Variants in RALYL observed in about 807,000 individuals in gnomAD.
The protein encoded by RALYL is RNA-binding Raly-like protein.
RALYL carries 29 observed loss-of-function variants against 35.1 expected under a neutral mutation model. The ratio of observed to expected loss-of-function variants is 0.83; its 90% CI spans 0.61 to 1.13. RALYL has a LOEUF of 1.13. Among genes scored for constraint, RALYL ranks in the 50% most tolerant of loss-of-function variants. The pLI is 0.00. For missense variants in RALYL, 359 were observed against 360.4 expected, an observed-to-expected ratio of 1.00 and a Z score of 0.03; for synonymous variants, 120 against 127.6, an observed-to-expected ratio of 0.94 and a Z score of 0.40.
intron 8 of RALYL, among the ~76,000 whole-genome samples, chr8:84,896,679 G>T (rs1452262577): frequency 6.6e-6 from 1 of 152,154 alleles, no homozygotes; most frequent in Non-Finnish European, 1.5e-5. Flanking sequence ...CTTGGCATTT[G>T]CTGCACCCCT....
intron 4 of RALYL, among the ~76,000 whole-genome samples, chr8:84,835,247 G>A (rs1831711684): frequency 6.6e-6 from 1 of 152,144 alleles, no homozygotes; most frequent in African/African-American, 2.4e-5. Context: ...GCAGAGAGCT[G>A]ACAAGCATGA....
At chr8:84,336,848 G>A (rs1261508148) in intron 1 of RALYL, among the ~76,000 whole-genome samples, 1 of 151,976 alleles carries the variant, frequency 6.6e-6, no homozygotes, top group African/African-American at 2.4e-5. Context: ...GCGCAATGTA[G>A]TGGAGCAGAA....
chr8:84,774,975 A>G (rs946468684), intron 3 of RALYL, among the ~76,000 whole-genome samples: 3 of 152,042 alleles, frequency 2.0e-5, no homozygotes, highest in Non-Finnish European at 2.9e-5. Context: ...TTTGAGATGG[A>G]GTCTCTCTCT....
intron 1 of RALYL, among the ~76,000 whole-genome samples, chr8:84,312,439 C>T (rs186386638): frequency 6.6e-6 from 1 of 152,244 alleles, no homozygotes; most frequent in Admixed American, 6.5e-5. Context: ...AGTCCAAGTC[C>T]ACAATTTCAT....
chr8:84,701,944 T>A (rs1840275834), intron 2 of RALYL, among the ~76,000 whole-genome samples: 1 of 149,230 alleles, frequency 6.7e-6, no homozygotes, highest in Admixed American at 6.7e-5. Context: ...GGAGAAATAT[T>A]AGCCAGATTT....
rs560818678 is a variant in RALYL at position 84,488,867 on chromosome 8, T to A, written c.-23-40432T>A. Among the ~76,000 whole-genome samples, 329 of 152,198 alleles carry A rather than the reference T, an allele frequency of 2.2e-3. 1 individual carries two copies. The highest frequency in any genetic ancestry group is 6.0e-3 in the South Asian group (29 of 4,826). Reference sequence around the variant, plus strand: ...GTGGTATTACTAGGAATTATAATTTTATATTTACAAATAGCATGTGTGTTT... The same window carrying A: ...GTGGTATTACTAGGAATTATAATTTAATATTTACAAATAGCATGTGTGTTT... On this transcript the variant is annotated intron_variant, in intron 1 of 8. Transcript: ENST00000521268.
intron 5 of RALYL, among the ~76,000 whole-genome samples, chr8:84,851,572 G>T (rs1309901811): frequency 6.6e-6 from 1 of 152,080 alleles, no homozygotes; most frequent in Non-Finnish European, 1.5e-5. Flanking sequence ...GTATAAAAAT[G>T]CAAACTTAGA....
chr8:84,624,853 C>A (rs780486884), intron 2 of RALYL, among the ~76,000 whole-genome samples: 13 of 152,124 alleles, frequency 8.5e-5, no homozygotes, highest in Non-Finnish European at 1.5e-4. Flanking sequence ...TTCAATGTAA[C>A]CTTCAGGGGC....
chr8:84,272,335 C>T (rs1371412513), intron 1 of RALYL, among the ~76,000 whole-genome samples: 2 of 152,068 alleles, frequency 1.3e-5, no homozygotes, highest in Non-Finnish European at 2.9e-5. Flanking sequence ...CTCAGGTGAT[C>T]CACCCACCTG....
chr8:84,692,505 C>T (rs1422701801), intron 2 of RALYL, among the ~76,000 whole-genome samples: 1 of 151,994 alleles, frequency 6.6e-6, no homozygotes, highest in East Asian at 1.9e-4. Context: ...CTGAAACCTG[C>T]AAAACCTGTT....
At position 84,202,991 on chromosome 8, in the gene RALYL, G is replaced by T. The variant is rs1817260143; in HGVS notation, c.-24+18567G>T. On this transcript the variant is annotated intron_variant, in intron 1 of 8. Transcript: ENST00000521268. ...ATAAAAACAGAATTACACAGGAACG[G>T]AGTAGAGAGATCAGTCCCTCATGTA... is the stretch of plus-strand genomic sequence containing the variant. Among the ~76,000 whole-genome samples the T allele has an allele frequency of 2.6e-5, 4 of 152,128 alleles. 1 individual carries two copies. In the South Asian group the frequency reaches 8.3e-4, roughly 31 times the overall value.
intron 1 of RALYL, among the ~76,000 whole-genome samples, chr8:84,467,660 C>T (rs1196939317): frequency 2.0e-5 from 3 of 151,882 alleles, no homozygotes; most frequent in South Asian, 2.1e-4. Flanking sequence ...CTATTAGGTC[C>T]ACTTGGTGCT....
intron 1 of RALYL, among the ~76,000 whole-genome samples, chr8:84,438,562 A>T (rs1303863): frequency 0.52 from 77,989 of 150,428 alleles, 20,374 homozygotes; most frequent in African/African-American, 0.59. Context: ...CTATTTTTTT[A>T]AAAATTTTTT....
intron 1 of RALYL, among the ~76,000 whole-genome samples, chr8:84,207,820 GTA>G (rs3078265): frequency 0.025 from 3,633 of 145,806 alleles, 92 homozygotes; most frequent in African/African-American, 0.066. Flanking sequence ...GTGTGTGTGT[GTA>G]TATATATATA....
chr8:84,416,528 AG>A (rs2044721735), intron 1 of RALYL, among the ~76,000 whole-genome samples: 1 of 152,242 alleles, frequency 6.6e-6, no homozygotes, highest in South Asian at 2.1e-4. Context: ...AAAGAAAAAG[AG>A]GGAAACTGGA....
At chr8:84,908,397 C>G (rs73261921) in intron 8 of RALYL, among the ~76,000 whole-genome samples, 4,310 of 152,202 alleles carry the variant, frequency 0.028, 223 homozygotes, top group African/African-American at 0.099. Context: ...CACCATTCTA[C>G]TCTCTGCTTC....
At chr8:84,318,723 G>A (rs1029794869) in intron 1 of RALYL, among the ~76,000 whole-genome samples, 4 of 152,088 alleles carry the variant, frequency 2.6e-5, no homozygotes, top group Admixed American at 2.6e-4. Flanking sequence ...CAATTGAATG[G>A]CAGTATAGGA....
intron 1 of RALYL, among the ~76,000 whole-genome samples, chr8:84,280,691 T>C (rs1475180531): frequency 6.6e-6 from 1 of 151,192 alleles, no homozygotes; most frequent in Non-Finnish European, 1.5e-5. Flanking sequence ...TAGCTTAGCT[T>C]TGAATTCATA....
intron 1 of RALYL, among the ~76,000 whole-genome samples, chr8:84,417,481 G>A (rs2044850772): frequency 6.6e-6 from 1 of 151,826 alleles, no homozygotes; most frequent in African/African-American, 2.4e-5. Flanking sequence ...CTAAATTTGG[G>A]AGGTTGACAC....
Sources: gnomAD v4.1 joint callset for allele counts (sites outside exome capture counted in the v4.1 genomes callset) on GRCh38, gnomAD v4.1.1 for gene constraint, MANE v1.5 for transcripts, NCBI Gene and HGNC (gene_info 2026-07-23, HGNC 2026-07-21) for gene names.